Variants in TAF5 observed in about 807,000 individuals in gnomAD.
The protein encoded by TAF5 is TATA-box binding protein associated factor 5.
TAF5 carries 20 observed loss-of-function variants against 80.9 expected under a neutral mutation model. The observed-to-expected ratio is 0.25, with a 90% CI of 0.17 to 0.36. TAF5 has a LOEUF of 0.36. Among genes scored for constraint, TAF5 ranks in the 10% least tolerant of loss-of-function variants. TAF5 has a pLI of 1.00. For missense variants in TAF5, 863 were observed against 1,029.4 expected (o/e 0.84, Z 2.21); for synonymous variants, 388 against 406.4 (o/e 0.95, Z 0.55).
In TAF5 at chr10:103,387,661, A is replaced by C. The variant is rs1161044711; in HGVS notation, c.2148A>C (p.Ser716=). 11 of 1,613,392 alleles carry C rather than the reference A, an allele frequency of 6.8e-6. No homozygotes were observed. The highest frequency in any genetic ancestry group is 1.7e-4 in the Middle Eastern group (1 of 6,058). Residue 716 remains serine (S), a synonymous_variant, in exon 10 of 11, where the codon TCA becomes TCC. Coordinates refer to ENST00000369839, the MANE Select transcript of TAF5 (RefSeq NM_006951.5). Reference sequence around the variant, plus strand: ...AAGGCCACACTGATACAGTCTGTTCACTTAGGTTTAGTAGAGATGGTGAAA... The same window carrying C: ...AAGGCCACACTGATACAGTCTGTTCCCTTAGGTTTAGTAGAGATGGTGAAA... ...ELKGHTDTVC[S]LRFSRDGEIL... is the part of the protein sequence containing the mutation.
At chr10:103,379,370 C>G (rs559721024) in intron 3 of TAF5, among the ~76,000 whole-genome samples, 40 of 152,240 alleles carry the variant, frequency 2.6e-4, no homozygotes, top group African/African-American at 9.4e-4. Context: ...TATGGACATT[C>G]CTAGCTGAAA....
At chr10:103,385,283 AGGTTACTCTG>A (rs1157469391) in intron 7 of TAF5, 33 bp from the exon 8 acceptor site, 1 of 1,561,912 alleles carries the variant, frequency 6.4e-7, no homozygotes, top group African/African-American at 1.4e-5. Flanking sequence ...AGGTGACCAA[AGGTTACTCTG>A]GGAGTCAAAT....
Position 103,373,502 on chromosome 10 carries a change from A to C in TAF5, c.704A>C (p.Glu235Ala). Reference protein sequence around the residue: ...IECSLDCHRAELSQLFYPLFV... With the variant: ...IECSLDCHRAALSQLFYPLFV... ...TGTTCCCTGGACTGCCATCGGGCAG[A>C]GTTGTCCCAACTTTTTTATCCTCTG... is the stretch of plus-strand genomic sequence containing the variant. The change falls in exon 2 of 11, where the codon GAG becomes GCG. Residue 235 changes from glutamate (E) to alanine (A), a missense_variant. This residue lies in a region of TAF5 where 128 missense variants were observed against 232.2 expected (regional missense o/e 0.55). Transcript: ENST00000369839. 1 of 1,614,214 alleles carries C rather than the reference A, an allele frequency of 6.2e-7. No individual in the cohort carries two copies. The highest frequency in any genetic ancestry group is 8.5e-7 in the Non-Finnish European group (1 of 1,180,042).
intron 6 of TAF5, 91 bp from the exon 7 acceptor site, chr10:103,383,147 A>G: frequency 8.0e-7 from 1 of 1,250,504 alleles, no homozygotes; most frequent in Non-Finnish European, 1.1e-6. Flanking sequence ...AAATTTTCAA[A>G]TGTTAATTCC....
intron 2 of TAF5, among the ~76,000 whole-genome samples, chr10:103,375,939 T>A (rs2093369087): frequency 6.6e-6 from 1 of 151,506 alleles, no homozygotes. Context: ...ACACTTGTAA[T>A]CCCAGCTGCT....
At chr10:103,376,499 A>G (rs1357692055) in intron 2 of TAF5, among the ~76,000 whole-genome samples, 1 of 152,058 alleles carries the variant, frequency 6.6e-6, no homozygotes, top group African/African-American at 2.4e-5. Flanking sequence ...CCTGGCTTCT[A>G]TGCCATTATA....
chr10:103,380,930 T>A (rs1177399455), intron 5 of TAF5, among the ~76,000 whole-genome samples: 1 of 150,712 alleles, frequency 6.6e-6, no homozygotes, highest in African/African-American at 2.4e-5. Context: ...CATATAAACC[T>A]TATTTTATTT....
chr10:103,386,583 C>T (rs1005385670), intron 8 of TAF5, among the ~76,000 whole-genome samples: 10 of 152,188 alleles, frequency 6.6e-5, no homozygotes, highest in African/African-American at 1.2e-4. Flanking sequence ...GCCTATAGTC[C>T]CAGCTACTGG....
chr10:103,381,871 C>CT, intron 6 of TAF5, 30 bp downstream of exon 6: 2 of 1,613,932 alleles, frequency 1.2e-6, no homozygotes, highest in Non-Finnish European at 1.7e-6. Context: ...GGAATGTGAA[C>CT]TTGCCATTAG....
At position 103,373,533 on chromosome 10, in the gene TAF5, G is replaced by A; in HGVS notation, c.735G>A (p.Val245=). ...ELSQLFYPLF[V]HMYLELVYNQ... Reference sequence around the variant, plus strand: ...CCCAACTTTTTTATCCTCTGTTTGTGCACATGTACTTGGAGCTAGTCTACA... The same window carrying A: ...CCCAACTTTTTTATCCTCTGTTTGTACACATGTACTTGGAGCTAGTCTACA... The change falls in exon 2 of 11, where the codon GTG becomes GTA. Residue 245 remains valine, a synonymous_variant. Coordinates refer to ENST00000369839, the MANE Select transcript of TAF5 (RefSeq NM_006951.5). The A allele has an allele frequency of 6.2e-7, 1 of 1,614,166 alleles. No homozygotes were observed.
intron 8 of TAF5, among the ~76,000 whole-genome samples, chr10:103,386,627 T>A (rs2093396934): frequency 6.6e-6 from 1 of 151,662 alleles, no homozygotes; most frequent in Non-Finnish European, 1.5e-5. Flanking sequence ...TGGAACCGAG[T>A]TTGAATCCAG....
Position 103,385,475 on chromosome 10 carries a change from A to G in TAF5, c.1814A>G (p.His605Arg). Residue 605 changes from histidine (H) to arginine (R), a missense_variant, in exon 8 of 11, where the codon CAT becomes CGT. By Grantham distance (29) the His-to-Arg change is conservative. Around this residue, in one of 3 missense-constraint regions of TAF5, gnomAD observed 368 missense variants for 461.7 expected, o/e 0.80. Transcript: ENST00000369839. The stretch of plus-strand genomic sequence containing the variant: ...GGATATTATTTTGTGTCAGGGGGCC[A>G]TGACCGAGTAGCTCGGTAAGAACAC... Reference protein sequence around the residue: ...PYGYYFVSGGHDRVARLWATD... With the variant: ...PYGYYFVSGGRDRVARLWATD... 1.9e-6 allele frequency: 3 copies of G among 1,614,072 alleles called. No individual in the cohort carries two copies. Among genetic ancestry groups the G allele is most frequent in the Non-Finnish European group, 2.5e-6 (3 of 1,180,006 alleles).
At chr10:103,387,393 T>G (rs776974012) in intron 9 of TAF5, 41 bp downstream of exon 9, 2 of 1,564,692 alleles carry the variant, frequency 1.3e-6, no homozygotes, top group South Asian at 1.2e-5. Flanking sequence ...AAGGTTGCTT[T>G]CAAAATAAAA....
chr10:103,368,543 G>A lies in TAF5; in HGVS notation c.554G>A (p.Gly185Asp). Residue 185 changes from glycine (G) to aspartate (D), a missense_variant, in exon 1 of 11, where the codon GGT (glycine) becomes GAT (aspartate). Physicochemically the swap from Gly to Asp is moderately conservative, Grantham distance 94 (BLOSUM62 -1). Coordinates refer to ENST00000369839, the MANE Select transcript of TAF5 (RefSeq NM_006951.5). ...SGSASGPAAP[G>D]KVGSVAVEDQ... is the part of the protein sequence containing the mutation. The stretch of plus-strand genomic sequence containing the variant: ...TCAGCCTCAGGTCCTGCGGCTCCGG[G>A]TAAAGGTGAGCCGTGGGGTCCCGGG... 2.0e-6 allele frequency: 3 copies of A among 1,516,022 alleles called. No individual in the cohort carries two copies. The highest frequency in any genetic ancestry group is 2.6e-6 in the Non-Finnish European group (3 of 1,140,616). 93.9% of individuals were successfully genotyped at this position (1,516,022 alleles called of 1,614,324 possible).
Position 103,381,763 on chromosome 10 carries a change from G to A in TAF5, c.1456G>A (p.Ala486Thr). Reference sequence around the variant, plus strand: ...TGTCACTGATGATTCTAGTCTGATTGCTGGAGGTTTTGCAGATTCAACTGT... The same window carrying A: ...TGTCACTGATGATTCTAGTCTGATTACTGGAGGTTTTGCAGATTCAACTGT... ...VDVTDDSSLI[A>T]GGFADSTVRV... The change falls in exon 6 of 11, where the codon GCT becomes ACT. Residue 486 changes from alanine to threonine, a missense_variant. By Grantham distance (58) the Ala-to-Thr change is moderately conservative. Coordinates refer to ENST00000369839, the MANE Select transcript of TAF5 (RefSeq NM_006951.5). The A allele has an allele frequency of 6.2e-7, 1 of 1,614,158 alleles. No homozygotes were observed. Among genetic ancestry groups the A allele is most frequent in the Non-Finnish European group, 8.5e-7 (1 of 1,180,024 alleles).
intron 7 of TAF5, among the ~76,000 whole-genome samples, chr10:103,385,014 T>C (rs1263774547): frequency 6.6e-6 from 1 of 152,238 alleles, no homozygotes; most frequent in Non-Finnish European, 1.5e-5. Context: ...TTGACTATAC[T>C]TTGTTAATTA....
At chr10:103,368,839 G>A (rs2093352183) in intron 1 of TAF5, among the ~76,000 whole-genome samples, 1 of 152,176 alleles carries the variant, frequency 6.6e-6, no homozygotes, top group Non-Finnish European at 1.5e-5. Context: ...TTTCATTTGG[G>A]CTTTTGAGCC....
chr10:103,368,980 A>G (rs1227174389), intron 1 of TAF5, among the ~76,000 whole-genome samples: 3 of 124,440 alleles, frequency 2.4e-5, no homozygotes, highest in African/African-American at 8.2e-5. Context: ...AATACTTTAT[A>G]GATTTTTTTT....
chr10:103,373,690 A>C, intron 2 of TAF5, 95 bp downstream of exon 2: 1 of 917,240 alleles, frequency 1.1e-6, no homozygotes, highest in Non-Finnish European at 1.6e-6. Flanking sequence ...AAAATGTAAG[A>C]CTGCAACTTA....
Sources: allele counts gnomAD v4.1 joint callset (sites outside exome capture counted in the v4.1 genomes callset), GRCh38; gene constraint gnomAD v4.1.1; regional missense constraint gnomAD v4.1.1; transcripts MANE v1.5; gene names NCBI Gene and HGNC (gene_info 2026-07-23, HGNC 2026-07-21).